Variants in CSMD3 observed in about 807,000 individuals in gnomAD.
The protein encoded by CSMD3 is CUB and Sushi multiple domains 3, also known as CUB and sushi domain-containing protein 3.
CSMD3 carries 177 observed loss-of-function variants against 435.2 expected under a neutral mutation model. The ratio of observed to expected loss-of-function variants is 0.41; its 90% CI spans 0.36 to 0.46. The LOEUF (loss-of-function observed/expected upper bound fraction) is 0.46. Among genes scored for constraint, CSMD3 ranks in the 20% least tolerant of loss-of-function variants. CSMD3 has a pLI of 0.34. For missense variants in CSMD3, 4,265 were observed against 4,504.6 expected (o/e 0.95, Z 1.52); for synonymous variants, 1,656 against 1,520.5 (o/e 1.09, Z -2.07).
Position 112,318,959 on chromosome 8 carries a change from C to T in CSMD3, c.7247-9G>A. 6.7e-7 allele frequency: 1 copy of T among 1,490,680 alleles called. No homozygotes were observed. The allele number at this position is 1,490,680 out of a possible 1,614,324, so 92.3% of individuals were successfully genotyped here. On this transcript the variant is annotated splice_polypyrimidine_tract_variant and intron_variant, in intron 46 of 70. Coordinates refer to ENST00000297405, the MANE Select transcript of CSMD3 (RefSeq NM_198123.2). ...ATACCTAATAATATCACCTATTAAA[C>T]AAAAGAGGGGAGGTTTCATATAAGC...
chr8:112,292,614 C>T lies in CSMD3; in HGVS notation c.8711G>A (p.Gly2904Glu), dbSNP rs750872065. The T allele has an allele frequency of 6.2e-7, 1 of 1,613,628 alleles. No homozygotes were observed. The highest frequency in any genetic ancestry group is 8.5e-7 in the Non-Finnish European group (1 of 1,179,710). Residue 2904 changes from glycine to glutamate, a missense_variant, in exon 55 of 71, where the codon GGG (glycine) becomes GAG (glutamate). Gly to Glu is a moderately conservative substitution (Grantham distance 98, BLOSUM62 -2). Around this residue, in one of 3 missense-constraint regions of CSMD3, gnomAD observed 3,255 missense variants for 3,380.2 expected, o/e 0.96. Transcript: ENST00000297405. ...NDVVTFSCNI[G>E]YLMQGPTKAQ... ...CTTTGTTGGCCCTTGCATAAGATAC[C>T]CAATATTGCATGAGAATGTTACCAC...
chr8:112,254,190 A>G (rs1472306496), intron 63 of CSMD3, 63 bp downstream of exon 63: 4 of 1,113,064 alleles, frequency 3.6e-6, no homozygotes, highest in Non-Finnish European at 5.5e-6. Flanking sequence ...GATTATATGC[A>G]TATGAACCAA....
chr8:112,917,727 G>C (rs2082615704), intron 10 of CSMD3, among the ~76,000 whole-genome samples: 1 of 151,874 alleles, frequency 6.6e-6, no homozygotes, highest in Admixed American at 6.6e-5. Context: ...TGGAATTGTA[G>C]AATAGTGACA....
intron 13 of CSMD3, among the ~76,000 whole-genome samples, chr8:112,715,229 G>T (rs1204519748): frequency 6.6e-6 from 1 of 151,990 alleles, no homozygotes; most frequent in Non-Finnish European, 1.5e-5. Flanking sequence ...AATAAAAAAT[G>T]TCACAATAAA....
intron 11 of CSMD3, among the ~76,000 whole-genome samples, chr8:112,855,365 T>C (rs2080618337): frequency 6.6e-6 from 1 of 152,174 alleles, no homozygotes; most frequent in African/African-American, 2.4e-5. Context: ...TCACAAGTAT[T>C]TTAAATATAG....
At chr8:112,534,623 C>T (rs1210773377) in intron 27 of CSMD3, among the ~76,000 whole-genome samples, 1 of 152,126 alleles carries the variant, frequency 6.6e-6, no homozygotes, top group African/African-American at 2.4e-5. Context: ...TGGTACCATT[C>T]CTTCTGAAAC....
At chr8:113,050,133 T>C (rs1026534290) in intron 5 of CSMD3, among the ~76,000 whole-genome samples, 5 of 152,080 alleles carry the variant, frequency 3.3e-5, no homozygotes, top group Admixed American at 1.3e-4. Flanking sequence ...ATATGATTTC[T>C]AAAGTTAAAA....
At chr8:112,807,156 C>CT (rs1563980054) in intron 12 of CSMD3, among the ~76,000 whole-genome samples, 1 of 152,126 alleles carries the variant, frequency 6.6e-6, no homozygotes, top group African/African-American at 2.4e-5. Context: ...TCCCTACTGG[C>CT]TTTTTTTGGA....
intron 59 of CSMD3, among the ~76,000 whole-genome samples, chr8:112,267,644 TG>T (rs1817073898): frequency 6.6e-6 from 1 of 152,134 alleles, no homozygotes; most frequent in Admixed American, 6.6e-5. Flanking sequence ...ATTAGAATCT[TG>T]GCAAGGAGAA....
chr8:112,511,253 A>G (rs997198907), intron 28 of CSMD3, among the ~76,000 whole-genome samples: 5 of 152,118 alleles, frequency 3.3e-5, no homozygotes, highest in African/African-American at 1.2e-4. Context: ...AAAAATGCTA[A>G]TGGTCATCTG....
rs571548549 is a variant in CSMD3 at position 113,367,387 on chromosome 8, T to A, written c.179-52594A>T. On this transcript the variant is annotated intron_variant, in intron 1 of 70. Transcript: ENST00000297405. ...TCAGAATTTTGCCAAATTTACTTCA[T>A]TTTTTAATATTTTAAGTATTTATAA... Among the ~76,000 whole-genome samples, 7 of 152,156 alleles carry A rather than the reference T, an allele frequency of 4.6e-5. No homozygotes were observed. In the South Asian group the frequency reaches 8.3e-4, roughly 18 times the overall value.
intron 13 of CSMD3, among the ~76,000 whole-genome samples, chr8:112,731,181 G>A (rs1032098495): frequency 3.0e-5 from 4 of 131,734 alleles, no homozygotes; most frequent in Middle Eastern, 4.5e-3. Flanking sequence ...CATCAATGTT[G>A]CTGATAATTT....
chr8:112,747,529 T>C (rs1309967419), intron 13 of CSMD3, among the ~76,000 whole-genome samples: 1 of 152,112 alleles, frequency 6.6e-6, no homozygotes, highest in Non-Finnish European at 1.5e-5. Context: ...GGTATAGGCA[T>C]TGTCTGCAAA....
intron 5 of CSMD3, among the ~76,000 whole-genome samples, chr8:113,061,980 C>A (rs1456591844): frequency 6.6e-6 from 1 of 151,618 alleles, no homozygotes; most frequent in Non-Finnish European, 1.5e-5. Flanking sequence ...GTTGAAAAAA[C>A]TTGAGTAAAA....
At chr8:112,565,965 A>G (rs1829028171) in intron 24 of CSMD3, among the ~76,000 whole-genome samples, 1 of 152,046 alleles carries the variant, frequency 6.6e-6, no homozygotes, top group Non-Finnish European at 1.5e-5. Context: ...AAATAAAAAA[A>G]AATTCAGATT....
chr8:112,877,681 C>G (rs958397922), intron 10 of CSMD3, among the ~76,000 whole-genome samples: 1 of 152,142 alleles, frequency 6.6e-6, no homozygotes, highest in African/African-American at 2.4e-5. Flanking sequence ...TACAAGGTGA[C>G]AGTAACCAAA....
intron 18 of CSMD3, among the ~76,000 whole-genome samples, chr8:112,654,224 T>C (rs1050413148): frequency 2.0e-5 from 3 of 152,110 alleles, no homozygotes; most frequent in Admixed American, 2.0e-4. Flanking sequence ...GATTTTGAGG[T>C]TTGTGAATGG....
chr8:112,957,021 T>C (rs111375697), intron 7 of CSMD3, among the ~76,000 whole-genome samples: 9,657 of 152,120 alleles, frequency 0.063, 330 homozygotes, highest in African/African-American at 0.071. Context: ...AAGACAAATA[T>C]TTTAGCTGTT....
chr8:113,379,460 G>T (rs1240353240), intron 1 of CSMD3, among the ~76,000 whole-genome samples: 1 of 152,172 alleles, frequency 6.6e-6, no homozygotes, highest in Non-Finnish European at 1.5e-5. Context: ...AAGTGAACTG[G>T]TTGAAACAGA....
Sources: allele counts gnomAD v4.1 joint callset (sites outside exome capture counted in the v4.1 genomes callset), GRCh38; gene constraint gnomAD v4.1.1; regional missense constraint gnomAD v4.1.1; transcripts MANE v1.5; gene names NCBI Gene and HGNC (gene_info 2026-07-23, HGNC 2026-07-21).